BCAP29: variants seen among roughly 807,000 people sequenced by gnomAD.
BCAP29 encodes B-cell receptor-associated protein 29.
A neutral mutation model predicts 31.8 loss-of-function variants in BCAP29; 34 were observed. The observed-to-expected ratio is 1.07, with a 90% CI of 0.81 to 1.42. The LOEUF (loss-of-function observed/expected upper bound fraction) is 1.42. BCAP29 is among the 40% of genes most tolerant of loss of function. The pLI is 0.00. For missense variants in BCAP29, 314 were observed against 269.2 expected (o/e 1.17, Z -1.16); for synonymous variants, 104 against 91.3 (o/e 1.14, Z -0.79).
chr7:107,606,501 C>A (rs1812128272), intron 6 of BCAP29, among the ~76,000 whole-genome samples: 1 of 152,160 alleles, frequency 6.6e-6, no homozygotes, highest in Admixed American at 6.5e-5. Context: ...ATGTTTCATG[C>A]AATCTTAGGA....
At chr7:107,592,634 T>C (rs1477820288) in intron 3 of BCAP29, among the ~76,000 whole-genome samples, 1 of 152,244 alleles carries the variant, frequency 6.6e-6, no homozygotes. Context: ...TGCACATGAA[T>C]GTTCGTAGCA....
intron 2 of BCAP29, among the ~76,000 whole-genome samples, chr7:107,582,549 A>G (rs1326633536): frequency 6.6e-6 from 1 of 152,208 alleles, no homozygotes; most frequent in Admixed American, 6.5e-5. Context: ...ACTGCATGTT[A>G]CTAACCTTGG....
chr7:107,600,428 G>T lies in BCAP29; in HGVS notation c.512G>T (p.Cys171Phe), dbSNP rs753207497. 3.1e-6 allele frequency: 5 copies of T among 1,609,750 alleles called. No individual in the cohort carries two copies. The South Asian group carries it at 5.5e-5, about 18-fold the overall frequency. Residue 171 changes from cysteine to phenylalanine, a missense_variant, in exon 6 of 8, where the codon TGT becomes TTT. Cys to Phe is a radical substitution (Grantham distance 205). Coordinates refer to ENST00000005259, the MANE Select transcript of BCAP29 (RefSeq NM_018844.4). ...ILKSHGKDEE[C>F]VLEAENKKLV... ...AAAAGCCATGGTAAAGATGAAGAAT[G>T]TGTTTTGGAAGCAGAAAATAAAAAA...
chr7:107,608,823 T>G (rs1431478510), intron 6 of BCAP29, among the ~76,000 whole-genome samples: 1 of 152,232 alleles, frequency 6.6e-6, no homozygotes, highest in African/African-American at 2.4e-5. Context: ...CATTTATCAT[T>G]TCCAAGTGAA....
At chr7:107,581,778 G>A (rs1031079766) in intron 2 of BCAP29, among the ~76,000 whole-genome samples, 1 of 152,116 alleles carries the variant, frequency 6.6e-6, no homozygotes, top group African/African-American at 2.4e-5. Flanking sequence ...CTCCTTACCT[G>A]CCTGGATTTC....
intron 6 of BCAP29, among the ~76,000 whole-genome samples, chr7:107,601,007 G>A (rs1811079476): frequency 2.0e-5 from 3 of 152,228 alleles, no homozygotes; most frequent in Admixed American, 6.5e-5. Context: ...GAATTTGAGT[G>A]CCTCCTTCCC....
At chr7:107,610,971 C>T (rs1813014102) in intron 6 of BCAP29, among the ~76,000 whole-genome samples, 1 of 152,114 alleles carries the variant, frequency 6.6e-6, no homozygotes, top group Non-Finnish European at 1.5e-5. Flanking sequence ...ATTTATTTCT[C>T]ACGGTTCTGG....
intron 4 of BCAP29, among the ~76,000 whole-genome samples, chr7:107,594,565 G>A (rs1360786823): frequency 1.3e-5 from 2 of 151,934 alleles, no homozygotes; most frequent in South Asian, 4.2e-4. Flanking sequence ...GCAGTGGCGC[G>A]ATCTCGGCTC....
chr7:107,587,573 C>T (rs1807931796), intron 3 of BCAP29: 1 of 151,982 alleles, frequency 6.6e-6, no homozygotes, highest in Non-Finnish European at 1.5e-5. Flanking sequence ...TTGGCATGCT[C>T]TTACTATATT....
intron 2 of BCAP29, 38 bp downstream of exon 2, chr7:107,580,902 A>C: frequency 1.4e-6 from 2 of 1,465,244 alleles, no homozygotes; most frequent in Non-Finnish European, 1.8e-6. Flanking sequence ...TAAATATTGG[A>C]TCGCTCTTAA....
At chr7:107,581,625 C>T (rs994309558) in intron 2 of BCAP29, among the ~76,000 whole-genome samples, 31 of 152,160 alleles carry the variant, frequency 2.0e-4, no homozygotes, top group African/African-American at 7.5e-4. Context: ...TTTGTTCATA[C>T]TCCTGGCATA....
intron 3 of BCAP29, among the ~76,000 whole-genome samples, chr7:107,589,186 G>C (rs894011612): frequency 6.6e-6 from 1 of 152,150 alleles, no homozygotes; most frequent in African/African-American, 2.4e-5. Flanking sequence ...TTGGCACCAG[G>C]GACCAGCTTC....
At chr7:107,585,847 C>A (rs1239034515) in intron 3 of BCAP29, among the ~76,000 whole-genome samples, 1 of 152,002 alleles carries the variant, frequency 6.6e-6, no homozygotes, top group Non-Finnish European at 1.5e-5. Context: ...AAAAATTAGC[C>A]GGGCATGGGG....
At chr7:107,581,427 C>T (rs1267949125) in intron 2 of BCAP29, among the ~76,000 whole-genome samples, 2 of 152,144 alleles carry the variant, frequency 1.3e-5, no homozygotes, top group Admixed American at 6.5e-5. Context: ...GTATCACAAC[C>T]ATGTATTAGC....
At chr7:107,585,389 A>T (rs1305597141) in intron 3 of BCAP29, among the ~76,000 whole-genome samples, 1 of 152,210 alleles carries the variant, frequency 6.6e-6, no homozygotes, top group Non-Finnish European at 1.5e-5. Flanking sequence ...TATTTGTCTC[A>T]TGGTACATTA....
At chr7:107,584,079 CT>C (rs1189828288) in intron 3 of BCAP29, 97 bp downstream of exon 3, 32 of 632,606 alleles carry the variant, frequency 5.1e-5, no homozygotes, top group Non-Finnish European at 7.7e-5. Context: ...GTACAGTTGA[CT>C]TTATATAGTA....
At chr7:107,597,817 A>G (rs1810136048) in intron 5 of BCAP29, among the ~76,000 whole-genome samples, 1 of 152,192 alleles carries the variant, frequency 6.6e-6, no homozygotes, top group Non-Finnish European at 1.5e-5. Flanking sequence ...ACCTATGACC[A>G]CTTTCTGTTC....
At chr7:107,599,309 T>TTATATA (rs377116339) in intron 5 of BCAP29, among the ~76,000 whole-genome samples, 9 of 68,682 alleles carry the variant, frequency 1.3e-4, no homozygotes, top group Non-Finnish European at 1.1e-4. Flanking sequence ...TATATAAATT[T>TTATATA]TATATATATA....
At chr7:107,609,128 G>T (rs547949998) in intron 6 of BCAP29, among the ~76,000 whole-genome samples, 2 of 152,208 alleles carry the variant, frequency 1.3e-5, no homozygotes, top group African/African-American at 4.8e-5. Flanking sequence ...GCCAGATGAA[G>T]TAGGAGGAGA....
Sources: allele counts gnomAD v4.1 joint callset (sites outside exome capture counted in the v4.1 genomes callset), GRCh38; gene constraint gnomAD v4.1.1; transcripts MANE v1.5; gene names NCBI Gene and HGNC (gene_info 2026-07-23, HGNC 2026-07-21).